The following MIB1 variants were observed in gnomAD, a reference collection of about 807,000 sequenced individuals.
MIB1 encodes the protein MIB E3 ubiquitin protein ligase 1.
MIB1 carries 278 observed loss-of-function variants against 124.5 expected under a neutral mutation model. The ratio of observed to expected loss-of-function variants is 2.23; its 90% confidence interval spans 2.02 to 2.47. MIB1 has a LOEUF of 2.47. MIB1 is among the 30% of genes most tolerant of loss of function. The pLI is 0.00. For synonymous variants in MIB1, 446 were observed against 429.4 expected (o/e 1.04, Z -0.48); for missense variants, 957 against 1,254.4 (o/e 0.76, Z 3.58).
intron 4 of MIB1, among the ~76,000 whole-genome samples, chr18:21,775,385 G>T (rs937784669): frequency 1.3e-5 from 2 of 152,090 alleles, no homozygotes; most frequent in Non-Finnish European, 2.9e-5. Context: ...GACTGTAGGC[G>T]TGTGCCACCA....
At chr18:21,807,885 T>A (rs2041726843) in intron 10 of MIB1, among the ~76,000 whole-genome samples, 1 of 152,226 alleles carries the variant, frequency 6.6e-6, no homozygotes, top group African/African-American at 2.4e-5. Flanking sequence ...GATAATAGTA[T>A]AATGAATCTT....
chr18:21,722,401 T>C (rs554411817), intron 1 of MIB1, among the ~76,000 whole-genome samples: 1 of 150,952 alleles, frequency 6.6e-6, no homozygotes, highest in East Asian at 2.0e-4. Flanking sequence ...AGATGGAGTT[T>C]GCTCTTTTGC....
At chr18:21,803,804 G>C in intron 9 of MIB1, 103 bp from the exon 10 acceptor site, 1 of 735,434 alleles carries the variant, frequency 1.4e-6, no homozygotes, top group Non-Finnish European at 2.2e-6. Context: ...AATTATTCTC[G>C]TGGAATCATA....
chr18:21,718,264 T>TA (rs1209954059), intron 1 of MIB1, among the ~76,000 whole-genome samples: 6 of 152,026 alleles, frequency 3.9e-5, no homozygotes, highest in Non-Finnish European at 8.8e-5. Context: ...GGGTGAGGGA[T>TA]AAAAAACTAC....
chr18:21,732,754 A>G lies in MIB1; in HGVS notation n.167+27631A>G, dbSNP rs2040777994. ...ACAAAAAGAAGTTAGGAGACAAGAA[A>G]AAGCCAAAGCAGCACTGTAAGTTGG... On this transcript the variant is annotated intron_variant and non_coding_transcript_variant, in intron 1 of 20. Transcript: ENST00000578646. 3.3e-5 allele frequency among the ~76,000 whole-genome samples: 5 copies of G among 152,322 alleles called. No individual in the cohort carries two copies. The South Asian group carries it at 1.0e-3, about 32-fold the overall frequency.
chr18:21,857,155 T>TG lies in MIB1; in HGVS notation c.2692dup (p.Val898GlyfsTer8). The TG allele has an allele frequency of 6.2e-7, 1 of 1,614,126 alleles. No homozygotes were observed. Among genetic ancestry groups the TG allele is most frequent in the South Asian group, 1.1e-5 (1 of 91,084 alleles). ...ACTGTGCTAACCTGATGAAAAAGTG[T>TG]GTGCAGTGTCGAGCAGTAGTTGAAC... On this transcript the variant is annotated frameshift_variant, in exon 19 of 21. Transcript: ENST00000261537. LOFTEE classifies it high-confidence loss of function.
chr18:21,718,175 G>C (rs1260206286), intron 1 of MIB1, among the ~76,000 whole-genome samples: 1 of 152,122 alleles, frequency 6.6e-6, no homozygotes, highest in Non-Finnish European at 1.5e-5. Context: ...ATTCATAAGT[G>C]GGAGCTAAGC....
intron 15 of MIB1, among the ~76,000 whole-genome samples, chr18:21,846,692 G>A (rs1345749356): frequency 2.0e-5 from 3 of 152,160 alleles, no homozygotes; most frequent in Non-Finnish European, 4.4e-5. Flanking sequence ...AGCCATATAG[G>A]TAAGGTAGAG....
chr18:21,856,419 A>C (rs1200199102), intron 18 of MIB1, among the ~76,000 whole-genome samples: 1 of 152,214 alleles, frequency 6.6e-6, no homozygotes, highest in Admixed American at 6.5e-5. Context: ...TTTTTCCTGA[A>C]CTGCTATATT....
rs770256510 is a variant in MIB1, at chr18:21,865,577, C to T, written c.*911C>T. 2.0e-5 allele frequency: 3 copies of T among 152,582 alleles called. No individual in the cohort carries two copies. Among genetic ancestry groups the T allele is most frequent in the Non-Finnish European group, 4.4e-5 (3 of 68,022 alleles). 9.5% of individuals were successfully genotyped at this position (152,582 alleles called of 1,614,324 possible). A position where few individuals can be genotyped will look rare whatever the true frequency, so the allele number is the denominator to read the frequency against. On this transcript the variant is annotated 3_prime_UTR_variant, in exon 21 of 21. Transcript: ENST00000261537. The stretch of plus-strand genomic sequence containing the variant: ...AAATGACATTGCCCTATTTGGACCT[C>T]TGAGGTTCTATTTAGCTTTGCAGAT...
chr18:21,713,017 T>C (rs1164829822), intron 1 of MIB1, among the ~76,000 whole-genome samples: 5 of 152,168 alleles, frequency 3.3e-5, no homozygotes, highest in African/African-American at 9.7e-5. Flanking sequence ...TGCAATGGTC[T>C]GAACACCTCT....
chr18:21,792,607 G>T (rs1357830144), intron 7 of MIB1, among the ~76,000 whole-genome samples: 1 of 152,050 alleles, frequency 6.6e-6, no homozygotes, highest in African/African-American at 2.4e-5. Flanking sequence ...GAATAATTGT[G>T]AACAAAACAA....
At chr18:21,768,495 A>T (rs187498609) in intron 2 of MIB1, 128 bp from the exon 3 acceptor site, 1 of 581,758 alleles carries the variant, frequency 1.7e-6, no homozygotes, top group East Asian at 4.0e-5. Flanking sequence ...TCATGCTATT[A>T]TGGTAGTAAC....
chr18:21,754,041 C>T (rs555180124), intron 1 of MIB1, among the ~76,000 whole-genome samples: 105 of 152,294 alleles, frequency 6.9e-4, no homozygotes, highest in Non-Finnish European at 1.2e-3. Context: ...CCCATCTCTG[C>T]CCTGTGAGGC....
intron 6 of MIB1, among the ~76,000 whole-genome samples, chr18:21,788,011 G>A (rs1200716790): frequency 6.6e-6 from 1 of 151,828 alleles, no homozygotes; most frequent in Non-Finnish European, 1.5e-5. Flanking sequence ...TATGATTTGC[G>A]AACCTCCTCT....
At chr18:21,746,869 A>G (rs2040918021) in intron 1 of MIB1, among the ~76,000 whole-genome samples, 1 of 152,162 alleles carries the variant, frequency 6.6e-6, no homozygotes, top group Non-Finnish European at 1.5e-5. Context: ...ATACGTGGAA[A>G]AACTTCTCAG....
intron 1 of MIB1, among the ~76,000 whole-genome samples, chr18:21,735,231 G>A (rs916869751): frequency 4.6e-5 from 7 of 152,152 alleles, no homozygotes; most frequent in Non-Finnish European, 7.3e-5. Context: ...TGCAGCCCAC[G>A]GAGGGCATTG....
At chr18:21,763,791 C>T (rs2041125928) in intron 1 of MIB1, among the ~76,000 whole-genome samples, 1 of 152,154 alleles carries the variant, frequency 6.6e-6, no homozygotes, top group Non-Finnish European at 1.5e-5. Context: ...TCAATTTCTA[C>T]TGTCAACACC....
At chr18:21,837,715 TTTAAATA>T (rs1181571957) in intron 12 of MIB1, among the ~76,000 whole-genome samples, 1 of 152,232 alleles carries the variant, frequency 6.6e-6, no homozygotes, top group African/African-American at 2.4e-5. Context: ...ATTTTTAAAT[TTTAAATA>T]TTAAATTATA....
Sources: allele counts gnomAD v4.1 joint callset (sites outside exome capture counted in the v4.1 genomes callset), GRCh38; gene constraint gnomAD v4.1.1; transcripts MANE v1.5; gene names NCBI Gene and HGNC (gene_info 2026-07-23, HGNC 2026-07-21).